GSR: variants seen among roughly 807,000 people sequenced by gnomAD.
GSR encodes the protein glutathione reductase, mitochondrial.
A neutral mutation model predicts 56.5 loss-of-function variants in GSR; 48 were observed. The ratio of observed to expected loss-of-function variants is 0.85; its 90% CI spans 0.67 to 1.08. The LOEUF (loss-of-function observed/expected upper bound fraction) is 1.08. Among genes scored for constraint, GSR ranks in the 50% least tolerant of loss-of-function variants. The probability of loss-of-function intolerance (pLI) is 0.00; values close to 1 mark genes in which losing one functional copy is unlikely to be tolerated. For synonymous variants in GSR, 264 were observed against 270.8 expected (o/e 0.97, Z 0.25); for missense variants, 694 against 703.3 (o/e 0.99, Z 0.15).
chr8:30,726,716 G>A (rs139367572), intron 1 of GSR, among the ~76,000 whole-genome samples: 79 of 152,112 alleles, frequency 5.2e-4, no homozygotes, highest in African/African-American at 1.8e-3. Flanking sequence ...GAGCTATGAT[G>A]GCCACTGCAC....
At chr8:30,696,265 A>G (rs948806048) in intron 7 of GSR, 115 bp downstream of exon 7, 5 of 807,790 alleles carry the variant, frequency 6.2e-6, no homozygotes, top group Non-Finnish European at 1.1e-5. Flanking sequence ...TATGAAACCA[A>G]CCAAATGACC....
In GSR at chr8:30,681,079, C is replaced by T. The variant is rs770561940; in HGVS notation, c.1286-42G>A. 8 of 1,515,230 alleles carry T rather than the reference C, an allele frequency of 5.3e-6. No individual in the cohort carries two copies. In the East Asian group the frequency reaches 1.6e-4, roughly 30 times the overall value. 93.9% of individuals were successfully genotyped at this position (1,515,230 alleles called of 1,614,324 possible). A position where few individuals can be genotyped will look rare whatever the true frequency, so the allele number is the denominator to read the frequency against. On this transcript the variant is annotated intron_variant, in intron 11 of 12. Coordinates refer to ENST00000221130, the MANE Select transcript of GSR (RefSeq NM_000637.5). Reference sequence around the variant, plus strand: ...AAAAAGCATCTATCAGAAAACTAAACAATTACACTGAACTATCAAAGAGGG... The same window carrying T: ...AAAAAGCATCTATCAGAAAACTAAATAATTACACTGAACTATCAAAGAGGG...
chr8:30,690,796 G>A (rs1161434721), intron 8 of GSR, among the ~76,000 whole-genome samples: 1 of 152,184 alleles, frequency 6.6e-6, no homozygotes, highest in African/African-American at 2.4e-5. Flanking sequence ...TGGACATGGT[G>A]GCTCACACCT....
intron 7 of GSR, among the ~76,000 whole-genome samples, chr8:30,695,426 G>A (rs1178021387): frequency 1.3e-5 from 2 of 151,904 alleles, no homozygotes; most frequent in South Asian, 2.1e-4. Flanking sequence ...TAGAGATGGG[G>A]TTTCACCATG....
chr8:30,691,047 G>C (rs924132827), intron 8 of GSR, among the ~76,000 whole-genome samples: 1 of 152,000 alleles, frequency 6.6e-6, no homozygotes, highest in Non-Finnish European at 1.5e-5. Flanking sequence ...GCAAGACCTT[G>C]TGTCAAGAAA....
chr8:30,706,149 C>T (rs1222763961), intron 4 of GSR, among the ~76,000 whole-genome samples: 2 of 150,110 alleles, frequency 1.3e-5, no homozygotes, highest in Non-Finnish European at 3.0e-5. Flanking sequence ...GCACTTCAGC[C>T]TGGGTGACAG....
intron 8 of GSR, among the ~76,000 whole-genome samples, chr8:30,691,471 A>G (rs1250411015): frequency 6.6e-6 from 1 of 152,098 alleles, no homozygotes; most frequent in African/African-American, 2.4e-5. Context: ...ACTTGAGGTC[A>G]GGAGTTGGAG....
chr8:30,714,682 T>A lies in GSR; in HGVS notation c.307-2594A>T, dbSNP rs8190926. Reference sequence around the variant, plus strand: ...GCCTGTATATGCTTTTTATTTTATTTTTTAAATAAAAATTAAAAATACTTT... The same window carrying A: ...GCCTGTATATGCTTTTTATTTTATTATTTAAATAAAAATTAAAAATACTTT... On this transcript the variant is annotated intron_variant, in intron 1 of 12. Transcript: ENST00000221130. Among the ~76,000 whole-genome samples, 126 of 151,870 alleles carry A rather than the reference T, an allele frequency of 8.3e-4. 1 individual carries two copies. In the South Asian group the frequency reaches 9.8e-3, roughly 12 times the overall value.
At chr8:30,705,694 T>G (rs112309967) in intron 4 of GSR, among the ~76,000 whole-genome samples, 2,292 of 152,090 alleles carry the variant, frequency 0.015, 53 homozygotes, top group African/African-American at 0.051. Context: ...ATCACGACAG[T>G]GCCCTCCAGT....
chr8:30,721,579 G>A (rs1804536038), intron 1 of GSR, among the ~76,000 whole-genome samples: 1 of 151,966 alleles, frequency 6.6e-6, no homozygotes, highest in African/African-American at 2.4e-5. Flanking sequence ...CTTGAACTTG[G>A]GAGGTGGAGG....
intron 6 of GSR, among the ~76,000 whole-genome samples, chr8:30,696,774 C>T (rs897534595): frequency 4.6e-5 from 7 of 152,182 alleles, no homozygotes; most frequent in African/African-American, 1.2e-4. Context: ...CGGCTCACTG[C>T]AGCCTCAACC....
intron 12 of GSR, among the ~76,000 whole-genome samples, chr8:30,680,327 C>A (rs1802899846): frequency 6.6e-6 from 1 of 151,492 alleles, no homozygotes; most frequent in East Asian, 1.9e-4. Flanking sequence ...CCTTGGCCTC[C>A]CAAAGTGTTA....
chr8:30,697,058 C>A (rs1441909977), intron 6 of GSR, among the ~76,000 whole-genome samples: 1 of 151,948 alleles, frequency 6.6e-6, no homozygotes, highest in East Asian at 1.9e-4. Flanking sequence ...GATACCACTG[C>A]AACTTTAAGT....
chr8:30,685,985 CAAAAAAAAAAAAAAA>C lies in GSR; in HGVS notation c.1042-1801_1042-1787del, dbSNP rs71206274. On this transcript the variant is annotated intron_variant, in intron 9 of 12. Transcript: ENST00000221130. ...TGGGCAACAGAAAGAGACTCTGCCT[CAAAAAAAAAAAAAAA>C]AAAAAAAAAAAAAGAGTACAACCTT... 5.1e-4 allele frequency among the ~76,000 whole-genome samples: 19 copies of C among 37,240 alleles called. No homozygotes were observed. In the South Asian group the frequency reaches 0.014, roughly 27 times the overall value. The allele number at this position is 37,240 out of a possible 152,430, so 24.4% of individuals were successfully genotyped here. A position where few individuals can be genotyped will look rare whatever the true frequency, so the allele number is the denominator to read the frequency against.
chr8:30,702,981 C>G, intron 5 of GSR, 112 bp downstream of exon 5: 2 of 1,126,718 alleles, frequency 1.8e-6, no homozygotes, highest in Non-Finnish European at 1.4e-6. Flanking sequence ...TCTCCCATGG[C>G]CTGGCTCCAA....
At position 30,727,452 on chromosome 8, in the gene GSR, T is replaced by C. The variant is rs973342145; in HGVS notation, c.306+78A>G. On this transcript the variant is annotated intron_variant, in intron 1 of 12. Transcript: ENST00000221130. ...CCAGCGCCGGGGGACAGGATCGCCA[T>C]AGGAACGAGCACAGGCTGTCCCCCG... 1.5e-5 allele frequency: 20 copies of C among 1,332,350 alleles called. No homozygotes were observed. The East Asian group carries it at 1.6e-4, about 11-fold the overall frequency. 82.5% of individuals were successfully genotyped at this position (1,332,350 alleles called of 1,614,324 possible).
chr8:30,697,426 C>A (rs138292650), intron 6 of GSR, among the ~76,000 whole-genome samples: 26 of 143,880 alleles, frequency 1.8e-4, no homozygotes, highest in East Asian at 1.4e-3. Context: ...AAAAACAAAA[C>A]AAACAAACAA....
At chr8:30,697,864 T>A (rs897115228) in intron 6 of GSR, among the ~76,000 whole-genome samples, 4 of 149,344 alleles carry the variant, frequency 2.7e-5, no homozygotes, top group Non-Finnish European at 2.9e-5. Flanking sequence ...AATTTTTGTA[T>A]TTTTTTTGCA....
chr8:30,717,025 G>A (rs1804356289), intron 1 of GSR, among the ~76,000 whole-genome samples: 1 of 152,064 alleles, frequency 6.6e-6, no homozygotes, highest in South Asian at 2.1e-4. Flanking sequence ...ATCACCTGAG[G>A]TCGGTAGTTC....
Sources: gnomAD v4.1 joint callset for allele counts (sites outside exome capture counted in the v4.1 genomes callset) on GRCh38, gnomAD v4.1.1 for gene constraint, MANE v1.5 for transcripts, NCBI Gene and HGNC (gene_info 2026-07-23, HGNC 2026-07-21) for gene names.